ATF6: variants seen among roughly 807,000 people sequenced by gnomAD.
ATF6 encodes cyclic AMP-dependent transcription factor ATF-6 alpha.
In ATF6, 53 loss-of-function variants were observed where a neutral mutation model predicts 83.6. The ratio of observed to expected loss-of-function variants is 0.63; its 90% CI spans 0.51 to 0.80. The LOEUF (loss-of-function observed/expected upper bound fraction) is 0.80. Ranked by LOEUF, ATF6 falls within the 30% of genes least tolerant of loss-of-function variation. The pLI is 0.00. For synonymous variants in ATF6, 288 were observed against 285.8 expected (o/e 1.01, Z -0.08); for missense variants, 744 against 797.9 (o/e 0.93, Z 0.81).
At chr1:161,854,841 G>C (rs1686722766) in intron 12 of ATF6, among the ~76,000 whole-genome samples, 2 of 151,998 alleles carry the variant, frequency 1.3e-5, no homozygotes, top group African/African-American at 4.8e-5. Flanking sequence ...AGTCCAGCCT[G>C]GGTGACAAAG....
chr1:161,793,525 C>T (rs951978003), intron 6 of ATF6, among the ~76,000 whole-genome samples: 2 of 152,176 alleles, frequency 1.3e-5, no homozygotes. Flanking sequence ...GTGGATTATT[C>T]TAGGGATAGT....
At chr1:161,811,680 A>T (rs1428186609) in intron 7 of ATF6, among the ~76,000 whole-genome samples, 1 of 151,628 alleles carries the variant, frequency 6.6e-6, no homozygotes, top group African/African-American at 2.4e-5. Flanking sequence ...CCATCCATCC[A>T]TCCATCCACT....
chr1:161,766,514 C>T (rs1277744418), intron 1 of ATF6, 72 bp downstream of exon 1: 3 of 1,480,292 alleles, frequency 2.0e-6, no homozygotes, highest in East Asian at 2.3e-5. Flanking sequence ...CCTACTTCCG[C>T]CCACTCGTGG....
intron 14 of ATF6, among the ~76,000 whole-genome samples, chr1:161,892,961 A>G (rs1687589794): frequency 6.6e-6 from 1 of 151,798 alleles, no homozygotes; most frequent in African/African-American, 2.4e-5. Flanking sequence ...AGACCCTAAA[A>G]TGTGGCTTTG....
At chr1:161,869,288 A>T (rs1344973857) in intron 14 of ATF6, among the ~76,000 whole-genome samples, 1 of 152,034 alleles carries the variant, frequency 6.6e-6, no homozygotes, top group Non-Finnish European at 1.5e-5. Context: ...ATATGCATAT[A>T]TAAAAATTCA....
In ATF6 at chr1:161,812,619, C is replaced by A. The variant is rs1048601331; in HGVS notation, c.910-7014C>A. On this transcript the variant is annotated intron_variant, in intron 7 of 15. Transcript: ENST00000367942. ...TTTTTAGCCGGGATGGTCTCGATCT[C>A]CTGACCTCGTGATCCACCCGCCTCG... is the stretch of plus-strand genomic sequence containing the variant. Among the ~76,000 whole-genome samples the A allele has an allele frequency of 5.9e-5, 9 of 151,954 alleles. 1 individual carries two copies. In the East Asian group the frequency reaches 1.7e-3, roughly 29 times the overall value.
chr1:161,891,864 TTGTGAGGAGA>T (rs1212072214), intron 14 of ATF6: 1 of 152,218 alleles, frequency 6.6e-6, no homozygotes, highest in Admixed American at 6.5e-5. Flanking sequence ...GATTTTCCTT[TTGTGAGGAGA>T]ATGGGGACAA....
At chr1:161,850,708 G>A (rs1480953082) in intron 10 of ATF6, among the ~76,000 whole-genome samples, 1 of 152,168 alleles carries the variant, frequency 6.6e-6, no homozygotes, top group Non-Finnish European at 1.5e-5. Context: ...TAAATGAAAA[G>A]TGTGAGTCTC....
chr1:161,771,529 A>T (rs981956414), intron 1 of ATF6, among the ~76,000 whole-genome samples: 13 of 152,080 alleles, frequency 8.5e-5, no homozygotes, highest in African/African-American at 3.1e-4. Flanking sequence ...CTCCCTAAAA[A>T]TATCTAAGTT....
intron 7 of ATF6, among the ~76,000 whole-genome samples, chr1:161,802,589 A>G (rs1176981440): frequency 1.3e-5 from 2 of 152,186 alleles, no homozygotes; most frequent in Admixed American, 6.5e-5. Flanking sequence ...CCCTCAACCC[A>G]GTCATCCACT....
chr1:161,788,298 T>A (rs1397981588), intron 4 of ATF6, among the ~76,000 whole-genome samples: 1 of 152,224 alleles, frequency 6.6e-6, no homozygotes, highest in Non-Finnish European at 1.5e-5. Flanking sequence ...TACTTTGTAT[T>A]TCTTTGGTTA....
chr1:161,837,616 T>C (rs1254990891), intron 9 of ATF6, among the ~76,000 whole-genome samples: 1 of 141,282 alleles, frequency 7.1e-6, no homozygotes, highest in East Asian at 2.3e-4. Flanking sequence ...ATTTTTCCTT[T>C]CTCCCATTTT....
chr1:161,944,118 C>G (rs1037603514), intron 15 of ATF6, among the ~76,000 whole-genome samples: 6 of 152,222 alleles, frequency 3.9e-5, no homozygotes, highest in African/African-American at 1.2e-4. Context: ...CAAGACTGGT[C>G]TTCTGATCCA....
At chr1:161,949,834 C>T (rs1263521174) in intron 15 of ATF6, among the ~76,000 whole-genome samples, 1 of 152,116 alleles carries the variant, frequency 6.6e-6, no homozygotes, top group Non-Finnish European at 1.5e-5. Flanking sequence ...CCCATTAAGC[C>T]CCACCTCCAA....
chr1:161,851,610 T>C (rs1426557823), intron 10 of ATF6, 112 bp from the exon 11 acceptor site: 1 of 654,778 alleles, frequency 1.5e-6, no homozygotes, highest in African/African-American at 1.8e-5. Context: ...GTATATTCTG[T>C]TTACTATATT....
chr1:161,824,386 T>TA (rs72265058), intron 9 of ATF6, among the ~76,000 whole-genome samples: 89,552 of 140,200 alleles, frequency 0.64, 30,228 homozygotes, highest in Non-Finnish European at 0.75. Context: ...TGGTCAAAAT[T>TA]AAAAAAAAAA....
intron 6 of ATF6, among the ~76,000 whole-genome samples, chr1:161,798,492 A>G (rs1023734867): frequency 5.9e-5 from 9 of 152,132 alleles, no homozygotes; most frequent in Non-Finnish European, 1.2e-4. Flanking sequence ...CATGCTTGTA[A>G]TCCCAGTTAC....
intron 14 of ATF6, among the ~76,000 whole-genome samples, chr1:161,872,831 T>C (rs989610179): frequency 6.6e-6 from 1 of 151,390 alleles, no homozygotes; most frequent in Non-Finnish European, 1.5e-5. Flanking sequence ...TGGAAGGAAA[T>C]GGAGATAGCC....
intron 7 of ATF6, among the ~76,000 whole-genome samples, chr1:161,808,441 T>G (rs1685357917): frequency 6.6e-6 from 1 of 152,170 alleles, no homozygotes; most frequent in African/African-American, 2.4e-5. Context: ...TAGTTTTATT[T>G]ATTGACCTAT....
Sources: allele counts gnomAD v4.1 joint callset (sites outside exome capture counted in the v4.1 genomes callset), GRCh38; gene constraint gnomAD v4.1.1; transcripts MANE v1.5; gene names NCBI Gene and HGNC (gene_info 2026-07-23, HGNC 2026-07-21).